The following STK38L variants were observed in gnomAD, a reference collection of about 807,000 sequenced individuals.
The protein encoded by STK38L is serine/threonine-protein kinase 38-like.
In STK38L, 28 loss-of-function variants were observed where a neutral mutation model predicts 59.7. The ratio of observed to expected loss-of-function variants is 0.47; its 90% CI spans 0.35 to 0.64. STK38L has a LOEUF of 0.64. Among genes scored for constraint, STK38L ranks in the 30% least tolerant of loss-of-function variants. The pLI, the probability that STK38L is intolerant of heterozygous loss-of-function variation, is 0.01. For missense variants in STK38L, 314 were observed against 555.8 expected (o/e 0.56, Z 4.37); for synonymous variants, 162 against 176.8 (o/e 0.92, Z 0.66).
chr12:27,260,040 G>A (rs1166875672), intron 1 of STK38L, among the ~76,000 whole-genome samples: 2 of 152,166 alleles, frequency 1.3e-5, no homozygotes, highest in African/African-American at 4.8e-5. Context: ...AAAGAGGATA[G>A]GAGCAATACT....
intron 1 of STK38L, among the ~76,000 whole-genome samples, chr12:27,258,066 A>G (rs1055371756): frequency 1.3e-5 from 2 of 151,988 alleles, no homozygotes; most frequent in Admixed American, 6.6e-5. Flanking sequence ...CATGTTGGCT[A>G]GGCTGGTCTC....
chr12:27,269,237 G>A (rs974277117), intron 1 of STK38L, among the ~76,000 whole-genome samples: 4 of 152,104 alleles, frequency 2.6e-5, no homozygotes, highest in African/African-American at 9.7e-5. Context: ...TTCTTCTAGG[G>A]TTTTTATGGT....
intron 1 of STK38L, among the ~76,000 whole-genome samples, chr12:27,283,697 TG>T (rs1440717530): frequency 6.6e-6 from 1 of 152,230 alleles, no homozygotes; most frequent in African/African-American, 2.4e-5. Context: ...TTTTTATATA[TG>T]GGGCAGAAAA....
At chr12:27,280,657 C>T (rs1943634423) in intron 1 of STK38L, among the ~76,000 whole-genome samples, 1 of 152,140 alleles carries the variant, frequency 6.6e-6, no homozygotes, top group Non-Finnish European at 1.5e-5. Context: ...GTGATAAGGA[C>T]GGAGATAAGA....
chr12:27,280,372 T>G (rs908385298), intron 1 of STK38L, among the ~76,000 whole-genome samples: 1 of 152,222 alleles, frequency 6.6e-6, no homozygotes, highest in African/African-American at 2.4e-5. Context: ...AGTGATGTTT[T>G]TCATTTTTAT....
At chr12:27,261,657 A>G (rs1943206672) in intron 1 of STK38L, among the ~76,000 whole-genome samples, 1 of 152,194 alleles carries the variant, frequency 6.6e-6, no homozygotes, top group Non-Finnish European at 1.5e-5. Context: ...TGATCAGTTA[A>G]TCAAAATTAC....
intron 11 of STK38L, 121 bp downstream of exon 11, chr12:27,318,140 C>A: frequency 1.7e-6 from 2 of 1,198,706 alleles, no homozygotes; most frequent in Non-Finnish European, 2.3e-6. Context: ...TCAAAGAGAT[C>A]AATAAAGGTG....
chr12:27,251,246 A>G (rs978928271), intron 1 of STK38L, among the ~76,000 whole-genome samples: 5 of 152,154 alleles, frequency 3.3e-5, no homozygotes, highest in Non-Finnish European at 7.4e-5. Flanking sequence ...ATTCAATTGT[A>G]TTCTGATTTC....
At chr12:27,283,160 C>T (rs1036452317) in intron 1 of STK38L, among the ~76,000 whole-genome samples, 6 of 152,030 alleles carry the variant, frequency 3.9e-5, no homozygotes, top group Non-Finnish European at 5.9e-5. Context: ...TCTACAAGAT[C>T]GTAGACACCT....
intron 3 of STK38L, among the ~76,000 whole-genome samples, chr12:27,304,962 T>C (rs1258437326): frequency 6.6e-6 from 1 of 152,234 alleles, no homozygotes; most frequent in East Asian, 1.9e-4. Flanking sequence ...TCTTAAATAT[T>C]GATCCTTACA....
At position 27,275,637 on chromosome 12, in the gene STK38L, A is replaced by G. The variant is rs10771329; in HGVS notation, c.-11-22073A>G. Among the ~76,000 whole-genome samples the G allele has an allele frequency of 2.0e-5, 3 of 152,154 alleles. No individual in the cohort carries two copies. The South Asian group carries it at 6.2e-4, about 32-fold the overall frequency. On this transcript the variant is annotated intron_variant, in intron 1 of 13. Transcript: ENST00000389032. ...TACAGGCATGAGCCACCACGCCCGGACTGATTAGAGTGCATCTTGAAGGCA... is the reference window on the plus strand; with the variant it reads ...TACAGGCATGAGCCACCACGCCCGGGCTGATTAGAGTGCATCTTGAAGGCA...
chr12:27,316,053 C>T (rs1397702479), intron 9 of STK38L, among the ~76,000 whole-genome samples: 1 of 152,162 alleles, frequency 6.6e-6, no homozygotes, highest in Non-Finnish European at 1.5e-5. Context: ...TACGGACACT[C>T]TATAAATACT....
rs753260864 is a variant in STK38L at position 27,297,877 on chromosome 12, C to T, written c.134+23C>T. Reference sequence around the variant, plus strand: ...CAGGTATAGTAAGGGCTAATCAAAACTTTTTTTAGTTAAATAAGCTGTTGT... The same window carrying T: ...CAGGTATAGTAAGGGCTAATCAAAATTTTTTTTAGTTAAATAAGCTGTTGT... On this transcript the variant is annotated intron_variant, in intron 2 of 13. Transcript: ENST00000389032. The T allele has an allele frequency of 7.4e-6, 12 of 1,611,242 alleles. No individual in the cohort carries two copies. In the South Asian group the frequency reaches 1.3e-4, roughly 18 times the overall value.
chr12:27,289,540 T>A (rs1591898950), intron 1 of STK38L, among the ~76,000 whole-genome samples: 1 of 152,222 alleles, frequency 6.6e-6, no homozygotes, highest in East Asian at 1.9e-4. Context: ...TAATGTTGAG[T>A]TCAGCACCAC....
chr12:27,299,102 A>AAAGGTTTGTTTAAAACGTT (rs1944101552), intron 2 of STK38L, among the ~76,000 whole-genome samples: 9 of 152,226 alleles, frequency 5.9e-5, no homozygotes, highest in Admixed American at 5.9e-4. Context: ...GATTGACAAA[A>AAAGGTTTGTTTAAAACGTT]TGTGGCTACT....
At chr12:27,266,542 G>C (rs771731624) in intron 1 of STK38L, among the ~76,000 whole-genome samples, 2 of 152,192 alleles carry the variant, frequency 1.3e-5, no homozygotes, top group African/African-American at 2.4e-5. Flanking sequence ...CTTTTAAGCT[G>C]TGTAGGAAAC....
intron 10 of STK38L, 84 bp from the exon 11 acceptor site, chr12:27,317,812 G>A (rs1263120900): frequency 1.0e-5 from 16 of 1,543,680 alleles, no homozygotes; most frequent in Non-Finnish European, 1.4e-5. Flanking sequence ...AGGGTTGTTT[G>A]GTTTCTTGTC....
At chr12:27,304,939 A>G (rs1174433106) in intron 3 of STK38L, among the ~76,000 whole-genome samples, 2 of 152,168 alleles carry the variant, frequency 1.3e-5, no homozygotes, top group Admixed American at 1.3e-4. Context: ...TTCCTTTTTA[A>G]AAAATATTAT....
Position 27,308,190 on chromosome 12 carries a change from GAA to G in STK38L, c.187-147_187-146del. ...GATTTATCAGTTGTTAAAAATTTTA[GAA>G]AGTTTTCTTTAAATTGTTTTAGCCT... is the stretch of plus-strand genomic sequence containing the variant. On this transcript the variant is annotated intron_variant, in intron 3 of 13. Transcript: ENST00000389032. The surrounding 1 kb of genome is among the most constrained non-coding windows in gnomAD (Gnocchi z 4.5). The G allele has an allele frequency of 3.1e-6, 2 of 640,506 alleles. No individual in the cohort carries two copies. The highest frequency in any genetic ancestry group is 4.2e-6 in the Non-Finnish European group (2 of 475,788). The allele number at this position is 640,506 out of a possible 1,614,324, so 39.7% of individuals were successfully genotyped here.
Sources: allele counts gnomAD v4.1 joint callset (sites outside exome capture counted in the v4.1 genomes callset), GRCh38; gene constraint gnomAD v4.1.1; non-coding constraint Gnocchi (gnomAD v3.1); transcripts MANE v1.5; gene names NCBI Gene and HGNC (gene_info 2026-07-23, HGNC 2026-07-21).